SCN11A: variants seen among roughly 807,000 people sequenced by gnomAD.
The protein encoded by SCN11A is sodium channel protein type 11 subunit alpha.
A neutral mutation model predicts 162.2 loss-of-function variants in SCN11A; 122 were observed. That is an observed-to-expected ratio of 0.75 (90% CI 0.65 to 0.87). The LOEUF (loss-of-function observed/expected upper bound fraction) is 0.87. Ranked by LOEUF, SCN11A falls within the 40% of genes least tolerant of loss-of-function variation. The pLI is 0.00. For missense variants in SCN11A, 2,015 were observed against 2,181.6 expected, an observed-to-expected ratio of 0.92 and a Z score of 1.52; for synonymous variants, 758 against 751.5, an observed-to-expected ratio of 1.01 and a Z score of -0.14.
At chr3:38,915,832 T>C (rs145415174) in intron 11 of SCN11A, among the ~76,000 whole-genome samples, 1 of 152,214 alleles carries the variant, frequency 6.6e-6, no homozygotes, top group East Asian at 1.9e-4. Context: ...TGGTCCAATG[T>C]TGACTTCAGG....
intron 2 of SCN11A, among the ~76,000 whole-genome samples, chr3:38,973,693 G>A (rs2066831003): frequency 6.6e-6 from 1 of 152,202 alleles, no homozygotes; most frequent in African/African-American, 2.4e-5. Flanking sequence ...CCTCTGGATG[G>A]AAGAGAGTGT....
chr3:38,905,400 T>C (rs1383173179), intron 14 of SCN11A, 79 bp from the exon 15 acceptor site: 1 of 1,508,696 alleles, frequency 6.6e-7, no homozygotes, highest in East Asian at 2.3e-5. Context: ...TTTGTTCCAA[T>C]GCTACATGTA....
At chr3:38,995,491 G>C (rs912267104) in intron 2 of SCN11A, among the ~76,000 whole-genome samples, 1 of 152,188 alleles carries the variant, frequency 6.6e-6, no homozygotes, top group Admixed American at 6.5e-5. Flanking sequence ...TGTGGACTCA[G>C]TGGACCACCT....
chr3:38,996,707 T>C (rs1408118433), intron 2 of SCN11A, among the ~76,000 whole-genome samples: 1 of 152,188 alleles, frequency 6.6e-6, no homozygotes, highest in Non-Finnish European at 1.5e-5. Flanking sequence ...TCTTCCCTCC[T>C]GCGGTATATT....
At chr3:38,862,281 CTGTTGG>C (rs2064976468) in intron 28 of SCN11A, among the ~76,000 whole-genome samples, 1 of 152,190 alleles carries the variant, frequency 6.6e-6, no homozygotes, top group Admixed American at 6.5e-5. Context: ...CACTTTTACA[CTGTTGG>C]TGGGAATATA....
Position 38,950,078 on chromosome 3 carries a change from C to CCCCCCCCCG in SCN11A, c.267+17_267+18insCGGGGGGGG, listed in dbSNP as rs1553644472. The CCCCCCCCCG allele has an allele frequency of 4.3e-5, 6 of 139,970 alleles. No individual in the cohort carries two copies. The highest frequency in any genetic ancestry group is 1.4e-4 in the African/African-American group (4 of 27,716). 8.7% of individuals were successfully genotyped at this position (139,970 alleles called of 1,614,324 possible). A position where few individuals can be genotyped will look rare whatever the true frequency, so the allele number is the denominator to read the frequency against. On this transcript the variant is annotated intron_variant, in intron 5 of 29. Transcript: ENST00000302328. ...GAACACCCCCACCCCCACCCCCCCCCCCCGCCCAATGAAGTACCTTATGAT... is the reference window on the plus strand; with the variant it reads ...GAACACCCCCACCCCCACCCCCCCCCCCCCCCCCGCCCGCCCAATGAAGTACCTTATGAT...
At chr3:38,873,258 T>C (rs2065157462) in intron 23 of SCN11A, among the ~76,000 whole-genome samples, 1 of 152,128 alleles carries the variant, frequency 6.6e-6, no homozygotes, top group African/African-American at 2.4e-5. Context: ...TATGGAGAGT[T>C]TTCAGAGGCT....
At chr3:38,940,686 T>C (rs2066429574) in intron 7 of SCN11A, among the ~76,000 whole-genome samples, 2 of 151,964 alleles carry the variant, frequency 1.3e-5, no homozygotes, top group East Asian at 3.9e-4. Flanking sequence ...ATTTAAATTT[T>C]TAAAAAAGGA....
chr3:38,903,104 A>G (rs1046865403), intron 16 of SCN11A, among the ~76,000 whole-genome samples: 10 of 152,208 alleles, frequency 6.6e-5, no homozygotes, highest in Non-Finnish European at 1.3e-4. Flanking sequence ...AGATAAAACA[A>G]AAGTTTAAGA....
intron 26 of SCN11A, among the ~76,000 whole-genome samples, chr3:38,869,363 T>A (rs987828434): frequency 6.6e-6 from 1 of 152,188 alleles, no homozygotes; most frequent in Admixed American, 6.5e-5. Context: ...TTAGTATTTT[T>A]AAAATATTTC....
chr3:39,011,963 T>C (rs1039220206), intron 2 of SCN11A, among the ~76,000 whole-genome samples: 1 of 152,216 alleles, frequency 6.6e-6, no homozygotes, highest in African/African-American at 2.4e-5. Context: ...CTTTAAAATA[T>C]AAATAAAAAC....
At chr3:38,990,226 T>A (rs1425903155) in intron 2 of SCN11A, among the ~76,000 whole-genome samples, 7 of 152,174 alleles carry the variant, frequency 4.6e-5, no homozygotes, top group Non-Finnish European at 8.8e-5. Flanking sequence ...AGGCACTCCA[T>A]CTCGACTTAT....
At chr3:39,030,018 T>C (rs2031707101) in intron 2 of SCN11A, among the ~76,000 whole-genome samples, 1 of 152,238 alleles carries the variant, frequency 6.6e-6, no homozygotes, top group Non-Finnish European at 1.5e-5. Context: ...TGCTGAGGGT[T>C]GCCAGCCCAC....
In SCN11A at chr3:38,885,421, C is replaced by T. The variant is rs6599266; in HGVS notation, c.2950-19G>A. The T allele has an allele frequency of 9.3e-6, 13 of 1,404,966 alleles. No homozygotes were observed. The highest frequency in any genetic ancestry group is 1.8e-4 in the Middle Eastern group (1 of 5,670). The allele number at this position is 1,404,966 out of a possible 1,614,324, so 87.0% of individuals were successfully genotyped here. On this transcript the variant is annotated intron_variant, in intron 20 of 29. Transcript: ENST00000302328. Reference sequence around the variant, plus strand: ...CAGACTTCTGCACATCAGAACAAAACGAAGGGGGTGCCTTTTACTAAGACC... The same window carrying T: ...CAGACTTCTGCACATCAGAACAAAATGAAGGGGGTGCCTTTTACTAAGACC...
At chr3:38,891,600 GT>G (rs1190504269) in intron 19 of SCN11A, among the ~76,000 whole-genome samples, 3 of 152,174 alleles carry the variant, frequency 2.0e-5, no homozygotes, top group African/African-American at 7.2e-5. Flanking sequence ...ATTTCCTACA[GT>G]TCTGGAGGCT....
intron 16 of SCN11A, among the ~76,000 whole-genome samples, chr3:38,903,632 T>C (rs1348424423): frequency 6.6e-6 from 1 of 152,130 alleles, no homozygotes; most frequent in Non-Finnish European, 1.5e-5. Flanking sequence ...GGCTTACCAC[T>C]GAATGGCTAA....
chr3:38,991,963 C>A (rs1559566823), intron 2 of SCN11A, among the ~76,000 whole-genome samples: 2 of 152,114 alleles, frequency 1.3e-5, no homozygotes, highest in Non-Finnish European at 2.9e-5. Flanking sequence ...CGTGCACCAC[C>A]ATGCCCAGCT....
rs545759212 is a variant in SCN11A, at chr3:39,002,424, G to A, written c.-280+29956C>T. On this transcript the variant is annotated intron_variant, in intron 2 of 29. Coordinates refer to ENST00000302328, the MANE Select transcript of SCN11A (RefSeq NM_001349253.2). ...TCTTGAATGATTTATACAAGCAAAA[G>A]GCCAAAGGCAAAAAGGAACAGGAAA... 2.0e-5 allele frequency among the ~76,000 whole-genome samples: 3 copies of A among 152,248 alleles called. No homozygotes were observed. The South Asian group carries it at 6.2e-4, about 32-fold the overall frequency.
chr3:38,885,444 A>G (rs1288994221), intron 20 of SCN11A, 42 bp from the exon 21 acceptor site: 2 of 1,010,442 alleles, frequency 2.0e-6, no homozygotes. Context: ...TTTTACTAAG[A>G]CCTTCTTTCA....
Sources: gnomAD v4.1 joint callset for allele counts (sites outside exome capture counted in the v4.1 genomes callset) on GRCh38, gnomAD v4.1.1 for gene constraint, MANE v1.5 for transcripts, NCBI Gene and HGNC (gene_info 2026-07-23, HGNC 2026-07-21) for gene names.